The following IFT88 variants were observed in gnomAD, a reference collection of about 807,000 sequenced individuals.
The protein encoded by IFT88 is intraflagellar transport 88.
IFT88 carries 74 observed loss-of-function variants against 119.5 expected under a neutral mutation model. The observed-to-expected ratio is 0.62, with a 90% CI of 0.51 to 0.75. IFT88 has a LOEUF of 0.75. Ranked by LOEUF, IFT88 falls within the 30% of genes least tolerant of loss-of-function variation. The pLI is 0.00. For missense variants in IFT88, 961 were observed against 977.7 expected, an observed-to-expected ratio of 0.98 and a Z score of 0.23; for synonymous variants, 279 against 316.7, an observed-to-expected ratio of 0.88 and a Z score of 1.26.
chr13:20,685,453 AAT>A (rs1175396991), intron 24 of IFT88, among the ~76,000 whole-genome samples: 1 of 152,218 alleles, frequency 6.6e-6, no homozygotes, highest in African/African-American at 2.4e-5. Context: ...TTTAAAAGGT[AAT>A]TCCCAAGGGT....
intron 24 of IFT88, among the ~76,000 whole-genome samples, chr13:20,688,888 A>C (rs545080419): frequency 2.0e-5 from 3 of 152,230 alleles, no homozygotes; most frequent in Non-Finnish European, 2.9e-5. Flanking sequence ...CACTCTGCCC[A>C]GCCAAGTTTT....
At chr13:20,574,501 A>G (rs1420830927) in intron 2 of IFT88, 26 bp downstream of exon 2, 7 of 1,335,804 alleles carry the variant, frequency 5.2e-6, no homozygotes, top group South Asian at 2.5e-5. Context: ...TGTTTTTTAC[A>G]TTGGTCTTGG....
In IFT88 at chr13:20,666,864, G is replaced by A. The variant is rs906601474; in HGVS notation, c.2175+3260G>A. On this transcript the variant is annotated intron_variant, in intron 23 of 25. Transcript: ENST00000351808. ...CCTATCCCACCACTTAGACATCACT[G>A]TTATCATTCCCCTTTCCCAGGCATT... is the stretch of plus-strand genomic sequence containing the variant. Among the ~76,000 whole-genome samples, 4 of 152,254 alleles carry A rather than the reference G, an allele frequency of 2.6e-5. No individual in the cohort carries two copies. The South Asian group carries it at 6.2e-4, about 24-fold the overall frequency.
chr13:20,567,737 G>A, intron 1 of IFT88: 2 of 1,302,666 alleles, frequency 1.5e-6, no homozygotes, highest in South Asian at 2.5e-5. Flanking sequence ...CAACAATGCA[G>A]AAAGCGGTAC....
intron 11 of IFT88, among the ~76,000 whole-genome samples, chr13:20,601,452 G>A (rs187370811): frequency 6.6e-6 from 1 of 151,874 alleles, no homozygotes; most frequent in Admixed American, 6.6e-5. Flanking sequence ...TTATTTTTAG[G>A]GTAATGGAAA....
At chr13:20,611,107 TTAA>T (rs1317325242) in intron 13 of IFT88, among the ~76,000 whole-genome samples, 1 of 148,720 alleles carries the variant, frequency 6.7e-6, no homozygotes, top group East Asian at 2.0e-4. Flanking sequence ...ATAATAATAA[TTAA>T]TAATAATAAT....
At chr13:20,686,995 C>A (rs2057983050) in intron 24 of IFT88, among the ~76,000 whole-genome samples, 3 of 136,346 alleles carry the variant, frequency 2.2e-5, no homozygotes. Flanking sequence ...CAGGCCACCA[C>A]ACCCAGCTTA....
rs886103001 is a variant in IFT88 at position 20,649,340 on chromosome 13, A to G, written c.1949+4382A>G. Among the ~76,000 whole-genome samples, 25 of 152,228 alleles carry G rather than the reference A, an allele frequency of 1.6e-4. 1 individual carries two copies. Among genetic ancestry groups the G allele is most frequent in the Admixed American group, 1.2e-3 (19 of 15,288 alleles). ...TCATAATGTAATGAAACTAGAAATTAATAACAGAAGGAAAACTGGAAAATT... is the reference window on the plus strand; with the variant it reads ...TCATAATGTAATGAAACTAGAAATTGATAACAGAAGGAAAACTGGAAAATT... On this transcript the variant is annotated intron_variant, in intron 20 of 25. Transcript: ENST00000351808.
At chr13:20,622,276 A>G (rs1404025611) in intron 14 of IFT88, among the ~76,000 whole-genome samples, 3 of 152,156 alleles carry the variant, frequency 2.0e-5, no homozygotes, top group African/African-American at 7.2e-5. Context: ...CAGTTTGGCA[A>G]TTTTGAATAA....
intron 2 of IFT88, among the ~76,000 whole-genome samples, chr13:20,577,641 T>C (rs1472982434): frequency 6.6e-6 from 1 of 152,224 alleles, no homozygotes; most frequent in Non-Finnish European, 1.5e-5. Context: ...ATTCTGTCGA[T>C]ATGATGTATT....
chr13:20,647,965 C>T (rs2050996612), intron 20 of IFT88, among the ~76,000 whole-genome samples: 1 of 152,176 alleles, frequency 6.6e-6, no homozygotes, highest in Non-Finnish European at 1.5e-5. Flanking sequence ...TGGCTTATCA[C>T]ATACAGGGAC....
chr13:20,682,302 T>TA (rs2057412076), intron 24 of IFT88, among the ~76,000 whole-genome samples: 2 of 152,234 alleles, frequency 1.3e-5, no homozygotes. Context: ...TCAGCAAGTC[T>TA]AAAGTCTTTG....
At chr13:20,586,677 C>T (rs959514273) in intron 3 of IFT88, among the ~76,000 whole-genome samples, 1 of 152,104 alleles carries the variant, frequency 6.6e-6, no homozygotes, top group African/African-American at 2.4e-5. Context: ...AATGGTCTTC[C>T]CCTCAGTTGG....
intron 1 of IFT88, among the ~76,000 whole-genome samples, chr13:20,568,573 A>G (rs971429717): frequency 1.3e-5 from 2 of 152,192 alleles, no homozygotes; most frequent in African/African-American, 4.8e-5. Context: ...ATCAGAAATT[A>G]TGGTTCAGAA....
chr13:20,618,363 AT>A (rs2045971288), intron 14 of IFT88, among the ~76,000 whole-genome samples: 1 of 152,118 alleles, frequency 6.6e-6, no homozygotes, highest in South Asian at 2.1e-4. Flanking sequence ...GAGTATTTAC[AT>A]TTGTGTCAAG....
intron 11 of IFT88, 151 bp downstream of exon 11, chr13:20,599,716 C>G (rs1397792686): frequency 1.9e-6 from 1 of 538,496 alleles, no homozygotes; most frequent in Non-Finnish European, 3.3e-6. Context: ...TCCCTTCTTA[C>G]TACTTGTACA....
chr13:20,630,609 G>T (rs1388564912), intron 15 of IFT88, among the ~76,000 whole-genome samples: 1 of 151,920 alleles, frequency 6.6e-6, no homozygotes, highest in Non-Finnish European at 1.5e-5. Flanking sequence ...CCTATGCCCA[G>T]TCTAGTCTCA....
intron 18 of IFT88, chr13:20,642,772 T>G (rs2050143296): frequency 6.6e-6 from 1 of 152,114 alleles, no homozygotes; most frequent in African/African-American, 2.4e-5. Context: ...ACTGTTTGAG[T>G]ACATTTTCTT....
intron 14 of IFT88, among the ~76,000 whole-genome samples, chr13:20,624,529 C>A (rs568368741): frequency 3.3e-5 from 5 of 152,292 alleles, no homozygotes; most frequent in Non-Finnish European, 7.3e-5. Flanking sequence ...GGCCTAACAT[C>A]CCCATTATAC....
Sources: allele counts gnomAD v4.1 joint callset (sites outside exome capture counted in the v4.1 genomes callset), GRCh38; gene constraint gnomAD v4.1.1; transcripts MANE v1.5; gene names NCBI Gene and HGNC (gene_info 2026-07-23, HGNC 2026-07-21).